The following ARHGAP10 variants were observed in gnomAD, a reference collection of about 807,000 sequenced individuals.
ARHGAP10 encodes Rho GTPase activating protein 10.
Under a neutral mutation model 108.6 loss-of-function variants are expected in ARHGAP10, and 87 were observed. That is an observed-to-expected ratio of 0.80 (90% confidence interval 0.67 to 0.96). ARHGAP10 has a LOEUF of 0.96. Ranked by LOEUF, ARHGAP10 falls within the 40% of genes least tolerant of loss-of-function variation. ARHGAP10 has a pLI of 0.00. For synonymous variants in ARHGAP10, 347 were observed against 341.1 expected, an observed-to-expected ratio of 1.02 and a Z score of -0.19; for missense variants, 939 against 954.5, an observed-to-expected ratio of 0.98 and a Z score of 0.21.
At chr4:147,922,666 C>T (rs1239414011) in intron 13 of ARHGAP10, among the ~76,000 whole-genome samples, 20 of 127,170 alleles carry the variant, frequency 1.6e-4, no homozygotes, top group South Asian at 5.2e-4. Context: ...CCAGCCTGGG[C>T]GACAGAGCGA....
At position 147,848,487 on chromosome 4, in the gene ARHGAP10, G is replaced by A. The variant is rs191478112; in HGVS notation, c.384+1265G>A. Among the ~76,000 whole-genome samples, 3 of 152,298 alleles carry A rather than the reference G, an allele frequency of 2.0e-5. No individual in the cohort carries two copies. In the East Asian group the frequency reaches 5.8e-4, roughly 29 times the overall value. On this transcript the variant is annotated intron_variant, in intron 4 of 22. Transcript: ENST00000336498. Reference sequence around the variant, plus strand: ...AGTAATTGGCTTTAGTTTCTTATATGTAAAATGAAGGACTTGGGGGATCTG... The same window carrying A: ...AGTAATTGGCTTTAGTTTCTTATATATAAAATGAAGGACTTGGGGGATCTG...
At chr4:148,000,556 T>G (rs1466731273) in intron 18 of ARHGAP10, among the ~76,000 whole-genome samples, 1 of 152,240 alleles carries the variant, frequency 6.6e-6, no homozygotes. Flanking sequence ...TGTAAAAGTG[T>G]TCCTATTTCT....
At chr4:147,775,127 C>A (rs940503390) in intron 1 of ARHGAP10, among the ~76,000 whole-genome samples, 2 of 152,036 alleles carry the variant, frequency 1.3e-5, no homozygotes, top group Non-Finnish European at 1.5e-5. Context: ...GTTGGCCAGG[C>A]TGGTCTTGAA....
At position 148,063,173 on chromosome 4, in the gene ARHGAP10, G is replaced by A. The variant is rs1177837328; in HGVS notation, c.2053G>A (p.Val685Ile). The change falls in exon 21 of 23, where the codon GTC becomes ATC. Residue 685 changes from valine to isoleucine, a missense_variant. Coordinates refer to ENST00000336498, the MANE Select transcript of ARHGAP10 (RefSeq NM_024605.4). ...CCCAGGCCAGACCCGATCGTCTATG[G>A]TCCAGTGGCTTAACCCACAGTCTCC... ...TIPGQTRSSM[V>I]QWLNPQSPTT... 2 of 1,614,150 alleles carry A rather than the reference G, an allele frequency of 1.2e-6. No homozygotes were observed. Among genetic ancestry groups the A allele is most frequent in the Admixed American group, 1.7e-5 (1 of 60,022 alleles).
intron 1 of ARHGAP10, among the ~76,000 whole-genome samples, chr4:147,742,476 CTT>C (rs11420720): frequency 1.3e-4 from 11 of 86,526 alleles, no homozygotes; most frequent in East Asian, 1.2e-3. Flanking sequence ...TCTGTGAACA[CTT>C]TTTTTTTTTT....
At chr4:147,829,653 G>A (rs1354811000) in intron 3 of ARHGAP10, among the ~76,000 whole-genome samples, 2 of 152,160 alleles carry the variant, frequency 1.3e-5, no homozygotes, top group African/African-American at 2.4e-5. Context: ...GTGGTGTGTT[G>A]CTGCCAGAAT....
chr4:147,832,172 G>A (rs1285684055), intron 3 of ARHGAP10, among the ~76,000 whole-genome samples: 1 of 151,972 alleles, frequency 6.6e-6, no homozygotes, highest in African/African-American at 2.4e-5. Flanking sequence ...GGAGTGATTC[G>A]ATTATTGGGA....
At chr4:147,935,770 C>T (rs562303356) in intron 13 of ARHGAP10, among the ~76,000 whole-genome samples, 32 of 152,130 alleles carry the variant, frequency 2.1e-4, no homozygotes, top group Non-Finnish European at 4.3e-4. Context: ...AATAGAAAAT[C>T]GAACAAGACT....
At chr4:147,782,402 G>A (rs1211219814) in intron 1 of ARHGAP10, among the ~76,000 whole-genome samples, 1 of 152,112 alleles carries the variant, frequency 6.6e-6, no homozygotes, top group African/African-American at 2.4e-5. Context: ...TACATTTTCA[G>A]GAGTGGGTTC....
At chr4:148,039,336 T>C (rs112042453) in intron 19 of ARHGAP10, among the ~76,000 whole-genome samples, 14 of 151,462 alleles carry the variant, frequency 9.2e-5, no homozygotes, top group African/African-American at 3.4e-4. Context: ...GCTCAAATTT[T>C]TTTTCTTTAA....
rs1440565382 is a variant in ARHGAP10 at position 147,975,747 on chromosome 4, A to C, written c.1716+8908A>C. Among the ~76,000 whole-genome samples the C allele has an allele frequency of 2.0e-5, 3 of 152,354 alleles. No individual in the cohort carries two copies. The East Asian group carries it at 5.8e-4, about 29-fold the overall frequency. The stretch of plus-strand genomic sequence containing the variant: ...GACCTCTTAAAGCTCACATCTCTCA[A>C]CACTATTACATTGAGGATTATGTTT... On this transcript the variant is annotated intron_variant, in intron 18 of 22. Transcript: ENST00000336498.
At chr4:148,009,048 A>G (rs1192256099) in intron 18 of ARHGAP10, among the ~76,000 whole-genome samples, 1 of 152,200 alleles carries the variant, frequency 6.6e-6, no homozygotes, top group Non-Finnish European at 1.5e-5. Context: ...TTTACTGTCA[A>G]GATCAACAGA....
At chr4:148,050,958 G>A (rs1422814007) in intron 20 of ARHGAP10, among the ~76,000 whole-genome samples, 6 of 152,134 alleles carry the variant, frequency 3.9e-5, no homozygotes, top group Non-Finnish European at 7.3e-5. Context: ...CCTTTACTGT[G>A]GTCTCAGGTC....
chr4:147,937,628 A>G (rs980684698), intron 13 of ARHGAP10, among the ~76,000 whole-genome samples: 1 of 152,178 alleles, frequency 6.6e-6, no homozygotes, highest in Non-Finnish European at 1.5e-5. Context: ...TTGCAGCCCT[A>G]CTCACAATAG....
intron 1 of ARHGAP10, among the ~76,000 whole-genome samples, chr4:147,811,508 A>T (rs902211900): frequency 6.6e-6 from 1 of 152,122 alleles, no homozygotes; most frequent in East Asian, 1.9e-4. Context: ...GGTACCATCC[A>T]TTCTTTTTGT....
chr4:147,735,924 T>A (rs1188435298), intron 1 of ARHGAP10, among the ~76,000 whole-genome samples: 1 of 152,264 alleles, frequency 6.6e-6, no homozygotes, highest in East Asian at 1.9e-4. Context: ...TTGCTTATGA[T>A]TCATACAGGT....
At chr4:148,062,062 G>A (rs1729645233) in intron 20 of ARHGAP10, among the ~76,000 whole-genome samples, 1 of 152,212 alleles carries the variant, frequency 6.6e-6, no homozygotes, top group Non-Finnish European at 1.5e-5. Flanking sequence ...ACGCCAGGAA[G>A]CAGAGCTGTG....
At position 148,044,301 on chromosome 4, in the gene ARHGAP10, G is replaced by T. The variant is rs75036872; in HGVS notation, c.1868-2591G>T. 4.2e-3 allele frequency among the ~76,000 whole-genome samples: 639 copies of T among 152,252 alleles called. 6 individuals are homozygous for T. Among genetic ancestry groups the T allele is most frequent in the African/African-American group, 0.014 (602 of 41,542 alleles). On this transcript the variant is annotated intron_variant, in intron 19 of 22. Transcript: ENST00000336498. ...AGTAACATTAAACCCCTGGTCTCCAGTTCCCCAAAGTTGCTTCTCATTGAC... is the reference window on the plus strand; with the variant it reads ...AGTAACATTAAACCCCTGGTCTCCATTTCCCCAAAGTTGCTTCTCATTGAC...
At chr4:148,000,797 G>C (rs1740686651) in intron 18 of ARHGAP10, among the ~76,000 whole-genome samples, 1 of 152,012 alleles carries the variant, frequency 6.6e-6, no homozygotes, top group South Asian at 2.1e-4. Flanking sequence ...TTGTAAATTT[G>C]TTTGAGTTCT....
Sources: gnomAD v4.1 joint callset for allele counts (sites outside exome capture counted in the v4.1 genomes callset) on GRCh38, gnomAD v4.1.1 for gene constraint, MANE v1.5 for transcripts, NCBI Gene and HGNC (gene_info 2026-07-23, HGNC 2026-07-21) for gene names.